ITSN1: variants seen among roughly 807,000 people sequenced by gnomAD.
ITSN1 encodes intersectin-1.
Under a neutral mutation model 239.8 loss-of-function variants are expected in ITSN1, and 58 were observed. The observed-to-expected ratio is 0.24, with a 90% CI of 0.20 to 0.30. The LOEUF (loss-of-function observed/expected upper bound fraction) is 0.30, where lower values mean the gene tolerates loss of function less well. Ranked by LOEUF, ITSN1 falls within the 10% of genes least tolerant of loss-of-function variation. The pLI is 1.00. For synonymous variants in ITSN1, 780 were observed against 770.8 expected, an observed-to-expected ratio of 1.01 and a Z score of -0.20; for missense variants, 1,558 against 2,103.3, an observed-to-expected ratio of 0.74 and a Z score of 5.07.
chr21:33,802,543 T>C, intron 20 of ITSN1, 99 bp downstream of exon 20: 1 of 1,227,744 alleles, frequency 8.1e-7, no homozygotes. Context: ...CTCTGGGTGT[T>C]GTTGCGGCAG....
At chr21:33,700,638 G>C (rs191921870) in intron 1 of ITSN1, among the ~76,000 whole-genome samples, 1 of 152,114 alleles carries the variant, frequency 6.6e-6, no homozygotes, top group Non-Finnish European at 1.5e-5. Context: ...CTGACACCAG[G>C]CATGCTTTGG....
intron 16 of ITSN1, among the ~76,000 whole-genome samples, chr21:33,786,839 A>G (rs1287927047): frequency 2.0e-5 from 3 of 152,176 alleles, no homozygotes; most frequent in Admixed American, 6.5e-5. Context: ...GTCAGTGGCA[A>G]TGGAGGAGGC....
At chr21:33,770,575 C>T (rs528745457) in intron 11 of ITSN1, among the ~76,000 whole-genome samples, 2 of 152,190 alleles carry the variant, frequency 1.3e-5, no homozygotes, top group Non-Finnish European at 2.9e-5. Flanking sequence ...ATCACTCCCT[C>T]CAGCCCCTGG....
At chr21:33,798,653 T>C (rs925637465) in intron 18 of ITSN1, among the ~76,000 whole-genome samples, 4 of 152,310 alleles carry the variant, frequency 2.6e-5, no homozygotes, top group Middle Eastern at 3.4e-3. Flanking sequence ...TGTGCTTCTT[T>C]AGTGCTTCAG....
In ITSN1 at chr21:33,818,489, C is replaced by G; in HGVS notation, c.2933+17C>G. On this transcript the variant is annotated intron_variant, in intron 23 of 39. Coordinates refer to ENST00000381318, the MANE Select transcript of ITSN1 (RefSeq NM_003024.3). Reference sequence around the variant, plus strand: ...GTCTACAAGGTATTTTTGTATTTATCTGCTTGTATTTGATGAAAACAATAT... The same window carrying G: ...GTCTACAAGGTATTTTTGTATTTATGTGCTTGTATTTGATGAAAACAATAT... The G allele has an allele frequency of 1.3e-6, 2 of 1,589,022 alleles. No individual in the cohort carries two copies. The highest frequency in any genetic ancestry group is 8.6e-7 in the Non-Finnish European group (1 of 1,157,338).
In ITSN1 at chr21:33,865,020, C is replaced by A; in HGVS notation, c.3891-131C>A. Reference sequence around the variant, plus strand: ...CATTTCTTTCTCCATTCCTTGTCTCCCAAATAGATCCTTTAGTGGCCCTTA... The same window carrying A: ...CATTTCTTTCTCCATTCCTTGTCTCACAAATAGATCCTTTAGTGGCCCTTA... On this transcript the variant is annotated intron_variant, in intron 31 of 39. Coordinates refer to ENST00000381318, the MANE Select transcript of ITSN1 (RefSeq NM_003024.3). This position sits in a 1 kb window ranked among gnomAD's most constrained non-coding sequence, Gnocchi z 4.4. 1.3e-6 allele frequency: 1 copy of A among 785,618 alleles called. No homozygotes were observed. Among genetic ancestry groups the A allele is most frequent in the Non-Finnish European group, 1.9e-6 (1 of 517,522 alleles). 48.7% of individuals were successfully genotyped at this position (785,618 alleles called of 1,614,324 possible).
intron 4 of ITSN1, among the ~76,000 whole-genome samples, chr21:33,725,056 G>A (rs1000634712): frequency 4.8e-5 from 7 of 146,762 alleles, no homozygotes; most frequent in African/African-American, 1.3e-4. Flanking sequence ...CATCGCTTGC[G>A]CCCAGGAGTT....
At chr21:33,822,317 C>T (rs2073729988) in intron 24 of ITSN1, among the ~76,000 whole-genome samples, 1 of 152,202 alleles carries the variant, frequency 6.6e-6, no homozygotes, top group African/African-American at 2.4e-5. Context: ...AAAATTCCTA[C>T]CTCTTACTCA....
At chr21:33,817,429 T>A (rs1157429510) in intron 22 of ITSN1, 16 of 1,304,302 alleles carry the variant, frequency 1.2e-5, no homozygotes, top group Non-Finnish European at 1.5e-5. Flanking sequence ...TGCTGCCCCC[T>A]CTGTGAAATT....
chr21:33,734,939 G>T, intron 4 of ITSN1, 105 bp from the exon 5 acceptor site: 1 of 899,084 alleles, frequency 1.1e-6, no homozygotes, highest in Non-Finnish European at 1.7e-6. Flanking sequence ...TTGTCTCTAG[G>T]GGTAAGAGTG....
intron 16 of ITSN1, among the ~76,000 whole-genome samples, chr21:33,782,494 C>G (rs1555913218): frequency 6.6e-6 from 1 of 152,144 alleles, no homozygotes; most frequent in Non-Finnish European, 1.5e-5. Context: ...TCTGCCACTT[C>G]TTATCTTCAT....
chr21:33,860,315 G>GA (rs537916792), intron 31 of ITSN1, among the ~76,000 whole-genome samples: 1,191 of 70,226 alleles, frequency 0.017, 14 homozygotes, highest in South Asian at 0.052. Context: ...CTCAAAAAAA[G>GA]AAAAAAAAAA....
chr21:33,766,110 A>C (rs1275949933), intron 10 of ITSN1, 98 bp downstream of exon 10: 69 of 1,283,754 alleles, frequency 5.4e-5, no homozygotes, highest in Non-Finnish European at 7.2e-5. Flanking sequence ...TTCATCCCTG[A>C]CAAGGAAACT....
intron 27 of ITSN1, among the ~76,000 whole-genome samples, chr21:33,830,851 G>A (rs1438232142): frequency 7.8e-6 from 1 of 128,774 alleles, no homozygotes; most frequent in East Asian, 2.6e-4. Context: ...TAAGATGTAA[G>A]CAACTTGCAA....
At chr21:33,748,750 A>G (rs1233269103) in intron 5 of ITSN1, among the ~76,000 whole-genome samples, 5 of 151,876 alleles carry the variant, frequency 3.3e-5, no homozygotes, top group African/African-American at 1.2e-4. Context: ...CTGTGGTTCC[A>G]GCAAGTTGGG....
intron 16 of ITSN1, among the ~76,000 whole-genome samples, chr21:33,785,585 C>CAT (rs1253051289): frequency 6.6e-6 from 1 of 152,144 alleles, no homozygotes; most frequent in Non-Finnish European, 1.5e-5. Flanking sequence ...CTTCCCTACC[C>CAT]AAAATCTGAT....
intron 16 of ITSN1, among the ~76,000 whole-genome samples, chr21:33,793,554 G>C (rs1026206182): frequency 6.6e-6 from 1 of 152,132 alleles, no homozygotes; most frequent in Non-Finnish European, 1.5e-5. Context: ...CTATTTTCAG[G>C]TGTCTAAACT....
At chr21:33,648,186 G>C (rs2088157252) in intron 1 of ITSN1, among the ~76,000 whole-genome samples, 1 of 152,202 alleles carries the variant, frequency 6.6e-6, no homozygotes, top group African/African-American at 2.4e-5. Context: ...GTGTTTAGTA[G>C]TGTGATATGG....
intron 3 of ITSN1, among the ~76,000 whole-genome samples, chr21:33,721,605 G>GCAACCTCT (rs2065485650): frequency 6.6e-6 from 1 of 151,730 alleles, no homozygotes; most frequent in Non-Finnish European, 1.5e-5. Context: ...AAACCAGCCT[G>GCAACCTCT]GCCAACATGG....
Sources: gnomAD v4.1 joint callset for allele counts (sites outside exome capture counted in the v4.1 genomes callset) on GRCh38, gnomAD v4.1.1 for gene constraint, Gnocchi (gnomAD v3.1) non-coding constraint, MANE v1.5 for transcripts, NCBI Gene and HGNC (gene_info 2026-07-23, HGNC 2026-07-21) for gene names.